The following MBD5 variants were observed in gnomAD, a reference collection of about 807,000 sequenced individuals.
MBD5 encodes the protein methyl-CpG binding domain protein 5, also known as methyl-CpG-binding domain protein 5.
MBD5 carries 13 observed loss-of-function variants against 117.3 expected under a neutral mutation model. That is an observed-to-expected ratio of 0.11 (90% confidence interval 0.07 to 0.18). MBD5 has a LOEUF of 0.18. Ranked by LOEUF, MBD5 falls within the 10% of genes least tolerant of loss-of-function variation. The pLI, the probability that MBD5 is intolerant of heterozygous loss-of-function variation, is 1.00. For missense variants in MBD5, 1,879 were observed against 2,093.8 expected, an observed-to-expected ratio of 0.90 and a Z score of 2.00; for synonymous variants, 727 against 766.4, an observed-to-expected ratio of 0.95 and a Z score of 0.85.
chr2:148,088,497 T>C (rs1695855741), intron 1 of MBD5, among the ~76,000 whole-genome samples: 1 of 152,092 alleles, frequency 6.6e-6, no homozygotes, highest in Non-Finnish European at 1.5e-5. Flanking sequence ...ACCTGTCAGA[T>C]TAATAGCAGA....
intron 1 of MBD5, among the ~76,000 whole-genome samples, chr2:148,128,198 T>G (rs146722118): frequency 2.0e-5 from 3 of 152,348 alleles, no homozygotes; most frequent in African/African-American, 7.2e-5. Flanking sequence ...ACTCTGATAA[T>G]AGTTTCTTTT....
intron 1 of MBD5, among the ~76,000 whole-genome samples, chr2:148,074,487 T>G (rs1470360695): frequency 1.5e-5 from 2 of 134,440 alleles, no homozygotes; most frequent in South Asian, 2.4e-4. Context: ...ATAGTTTGTT[T>G]TTTTTTTGTT....
intron 8 of MBD5, among the ~76,000 whole-genome samples, chr2:148,473,803 G>A (rs375130693): frequency 3.3e-5 from 5 of 152,196 alleles, no homozygotes; most frequent in African/African-American, 1.2e-4. Flanking sequence ...GAATATACAA[G>A]GCTTTATTAA....
intron 2 of MBD5, among the ~76,000 whole-genome samples, chr2:148,209,436 G>T (rs148200031): frequency 6.6e-6 from 1 of 152,102 alleles, no homozygotes; most frequent in Non-Finnish European, 1.5e-5. Flanking sequence ...TGAAGAACAG[G>T]CTCTTGCCAG....
chr2:148,485,616 A>T, intron 9 of MBD5, 126 bp from the exon 10 acceptor site: 1 of 732,032 alleles, frequency 1.4e-6, no homozygotes, highest in Non-Finnish European at 2.4e-6. Context: ...GAGAAGTAAA[A>T]AAGAAAAGCA....
intron 3 of MBD5, among the ~76,000 whole-genome samples, chr2:148,307,350 G>A (rs1045022022): frequency 6.6e-6 from 1 of 151,748 alleles, no homozygotes; most frequent in Non-Finnish European, 1.5e-5. Context: ...AACTTTATAA[G>A]TAAATCCATC....
chr2:148,305,776 G>A (rs1418949541), intron 3 of MBD5, among the ~76,000 whole-genome samples: 1 of 152,174 alleles, frequency 6.6e-6, no homozygotes, highest in African/African-American at 2.4e-5. Context: ...AAATTAGAAT[G>A]TTAGTTTGGA....
At chr2:148,129,112 T>C (rs1356840652) in intron 1 of MBD5, among the ~76,000 whole-genome samples, 3 of 152,158 alleles carry the variant, frequency 2.0e-5, no homozygotes, top group African/African-American at 4.8e-5. Flanking sequence ...TCCCAGGAAA[T>C]TAAAAGCAGC....
chr2:148,358,845 CT>C (rs1476446901), intron 4 of MBD5, among the ~76,000 whole-genome samples: 3 of 152,084 alleles, frequency 2.0e-5, no homozygotes, highest in African/African-American at 7.2e-5. Flanking sequence ...ATTGAAGTGA[CT>C]CTTTTCAGAA....
intron 3 of MBD5, among the ~76,000 whole-genome samples, chr2:148,313,288 G>A (rs1393809962): frequency 6.6e-6 from 1 of 152,188 alleles, no homozygotes; most frequent in African/African-American, 2.4e-5. Flanking sequence ...TCCCAGGGAG[G>A]TGGGAGTTCT....
chr2:148,247,677 G>A (rs942117632), intron 3 of MBD5, among the ~76,000 whole-genome samples: 15 of 152,138 alleles, frequency 9.9e-5, no homozygotes, highest in African/African-American at 3.6e-4. Flanking sequence ...TTTCCTTGGG[G>A]TTATGTGGAG....
intron 4 of MBD5, among the ~76,000 whole-genome samples, chr2:148,377,363 C>G (rs1465688854): frequency 6.6e-6 from 1 of 152,142 alleles, no homozygotes; most frequent in Non-Finnish European, 1.5e-5. Context: ...CCCACTGACT[C>G]AAATGTTAAT....
chr2:148,277,915 A>T (rs190544585), intron 3 of MBD5, among the ~76,000 whole-genome samples: 2 of 152,328 alleles, frequency 1.3e-5, no homozygotes, highest in East Asian at 1.9e-4. Flanking sequence ...TAATTTGCAT[A>T]AAGTCAGATC....
At chr2:148,456,500 G>A (rs1369132997) in intron 4 of MBD5, among the ~76,000 whole-genome samples, 1 of 152,120 alleles carries the variant, frequency 6.6e-6, no homozygotes, top group East Asian at 1.9e-4. Context: ...CCAGCACCTA[G>A]CATAGTACCT....
At chr2:148,396,839 A>G (rs570952598) in intron 4 of MBD5, among the ~76,000 whole-genome samples, 1 of 152,166 alleles carries the variant, frequency 6.6e-6, no homozygotes, top group Non-Finnish European at 1.5e-5. Context: ...TCTGACTTAG[A>G]TATGATAATG....
intron 3 of MBD5, among the ~76,000 whole-genome samples, chr2:148,313,529 T>C (rs1702086527): frequency 6.6e-6 from 1 of 152,286 alleles, no homozygotes; most frequent in Non-Finnish European, 1.5e-5. Context: ...TTCAGACTGC[T>C]CTGCTGGCCA....
chr2:148,411,213 T>A (rs1351519637), intron 4 of MBD5, among the ~76,000 whole-genome samples: 26 of 152,220 alleles, frequency 1.7e-4, no homozygotes. Context: ...GGTGTAATAG[T>A]ATTCCATTGT....
chr2:148,223,147 G>A (rs962361652), intron 2 of MBD5, among the ~76,000 whole-genome samples: 1 of 151,964 alleles, frequency 6.6e-6, no homozygotes, highest in Non-Finnish European at 1.5e-5. Flanking sequence ...TCTTTCTAAT[G>A]TACTGTTGAA....
intron 2 of MBD5, chr2:148,219,808 C>T (rs550468458): frequency 4.2e-4 from 64 of 152,244 alleles, no homozygotes; most frequent in African/African-American, 1.5e-3. Context: ...AACATTTAAA[C>T]AAATAAACAT....
Sources: allele counts gnomAD v4.1 joint callset (sites outside exome capture counted in the v4.1 genomes callset), GRCh38; gene constraint gnomAD v4.1.1; transcripts MANE v1.5; gene names NCBI Gene and HGNC (gene_info 2026-07-23, HGNC 2026-07-21).